Variants in CAPN15 observed in about 807,000 individuals in gnomAD.
The protein encoded by CAPN15 is calpain 15.
CAPN15 carries 53 observed loss-of-function variants against 97.9 expected under a neutral mutation model. The ratio of observed to expected loss-of-function variants is 0.54; its 90% CI spans 0.43 to 0.68. The LOEUF (loss-of-function observed/expected upper bound fraction) is 0.68. Among genes scored for constraint, CAPN15 ranks in the 30% least tolerant of loss-of-function variants. The pLI, the probability that CAPN15 is intolerant of heterozygous loss-of-function variation, is 0.00. For synonymous variants in CAPN15, 922 were observed against 722.5 expected, an observed-to-expected ratio of 1.28 and a Z score of -4.43; for missense variants, 1,592 against 1,589.8, an observed-to-expected ratio of 1.00 and a Z score of -0.02.
Position 527,820 on chromosome 16 carries a change from C to T in CAPN15, c.-399C>T, listed in dbSNP as rs2032955190. ...AAGGCAGCGTAAGGCGGGCGCCGGA[C>T]GCGGGCAGGGGCCGGGGCCGGAGCC... On this transcript the variant is annotated 5_prime_UTR_variant, in exon 1 of 14. It adds an upstream start codon to the 5' untranslated region. Coordinates refer to ENST00000219611, the MANE Select transcript of CAPN15 (RefSeq NM_005632.3). 6.8e-6 allele frequency: 1 copy of T among 147,638 alleles called. No homozygotes were observed. 9.1% of individuals were successfully genotyped at this position (147,638 alleles called of 1,614,324 possible). A position where few individuals can be genotyped will look rare whatever the true frequency, so the allele number is the denominator to read the frequency against.
chr16:528,284 G>T (rs886485453), intron 1 of CAPN15, among the ~76,000 whole-genome samples: 3 of 152,074 alleles, frequency 2.0e-5, no homozygotes, highest in African/African-American at 7.2e-5. Context: ...AGGAAGGCGG[G>T]AAGTCGGCAG....
intron 3 of CAPN15, among the ~76,000 whole-genome samples, chr16:542,201 C>G (rs965916408): frequency 6.6e-6 from 1 of 152,248 alleles, no homozygotes; most frequent in Non-Finnish European, 1.5e-5. Context: ...TTCATGGACG[C>G]TAGGACTGCT....
At chr16:534,221 G>A (rs961813658) in intron 2 of CAPN15, among the ~76,000 whole-genome samples, 34 of 152,344 alleles carry the variant, frequency 2.2e-4, no homozygotes, top group African/African-American at 7.7e-4. Context: ...AGGGCGGCCC[G>A]GGGTCCCGAC....
chr16:543,018 T>C (rs181158497), intron 3 of CAPN15, among the ~76,000 whole-genome samples: 64 of 152,142 alleles, frequency 4.2e-4, no homozygotes, highest in Admixed American at 1.6e-3. Context: ...ACCACTGCAC[T>C]CCAGTGTGGG....
rs768124765 is a variant in CAPN15 at position 552,786 on chromosome 16, C to A, written c.2904+15C>A. On this transcript the variant is annotated intron_variant, in intron 12 of 13. Coordinates refer to ENST00000219611, the MANE Select transcript of CAPN15 (RefSeq NM_005632.3). The surrounding 1 kb of genome is among the most constrained non-coding windows in gnomAD (Gnocchi z 6.4). ...AGCGGCACGAGGTGGGTGGGGGTCC[C>A]GGGGGAGGGTGGCGTGGGGCAGGGG... The A allele has an allele frequency of 2.8e-6, 4 of 1,415,668 alleles. No homozygotes were observed. The highest frequency in any genetic ancestry group is 2.9e-6 in the Non-Finnish European group (3 of 1,051,020). 87.7% of individuals were successfully genotyped at this position (1,415,668 alleles called of 1,614,324 possible).
intron 3 of CAPN15, among the ~76,000 whole-genome samples, chr16:543,854 G>C (rs2034333881): frequency 6.6e-6 from 1 of 152,216 alleles, no homozygotes; most frequent in African/African-American, 2.4e-5. Flanking sequence ...TCGCTGCCCT[G>C]GTGGCCGCTG....
chr16:551,206 C>CA, intron 7 of CAPN15, 96 bp from the exon 8 acceptor site: 2 of 1,475,804 alleles, frequency 1.4e-6, no homozygotes, highest in African/African-American at 3.1e-5. Context: ...GTGAGGGTCC[C>CA]CAGTCGGTGA....
In CAPN15 at chr16:548,985, C is replaced by T. The variant is rs1452491682; in HGVS notation, c.1450-8C>T. On this transcript the variant is annotated splice_polypyrimidine_tract_variant and splice_region_variant and intron_variant, in intron 4 of 13. Transcript: ENST00000219611. ...CCCAGCCTGAGCACATGGCCGTGGT[C>T]TCTGCAGAACAATGTGAGCTTCGTG... 3.7e-6 allele frequency: 6 copies of T among 1,612,488 alleles called. No homozygotes were observed. The highest frequency in any genetic ancestry group is 5.1e-6 in the Non-Finnish European group (6 of 1,179,782).
rs2035267743 is a variant in CAPN15, at chr16:553,632, G to A, written c.*116G>A. On this transcript the variant is annotated 3_prime_UTR_variant, in exon 14 of 14. Coordinates refer to ENST00000219611, the MANE Select transcript of CAPN15 (RefSeq NM_005632.3). The stretch of plus-strand genomic sequence containing the variant: ...CCAGAATCTCAGGACCCCGCCCAGG[G>A]AGCTGCCAGCCCAGGGCTCAGCTTC... 2.2e-5 allele frequency: 14 copies of A among 632,242 alleles called. No individual in the cohort carries two copies. The highest frequency in any genetic ancestry group is 3.5e-5 in the Non-Finnish European group (14 of 395,366). 39.2% of individuals were successfully genotyped at this position (632,242 alleles called of 1,614,324 possible).
At chr16:528,687 C>T in intron 1 of CAPN15, 1 of 984,936 alleles carries the variant, frequency 1.0e-6, no homozygotes, top group Non-Finnish European at 1.2e-6. Context: ...CTCGGGGCCC[C>T]CTTACTGCTC....
intron 2 of CAPN15, among the ~76,000 whole-genome samples, chr16:534,234 G>GCGACGGGGCGGGCGGCCC: frequency 6.8e-6 from 1 of 146,434 alleles, no homozygotes; most frequent in East Asian, 1.9e-4. Context: ...GTCCCGACAG[G>GCGACGGGGCGGGCGGCCC]GGTGTTTGTC....
chr16:540,296 G>A, intron 3 of CAPN15: 1 of 985,518 alleles, frequency 1.0e-6, no homozygotes, highest in Non-Finnish European at 1.2e-6. Flanking sequence ...TGGTGTAGGA[G>A]CGGCCCAGGG....
chr16:548,654 G>C (rs1414977673), intron 4 of CAPN15, among the ~76,000 whole-genome samples: 2 of 152,246 alleles, frequency 1.3e-5, no homozygotes. Context: ...GCCCTCTAGA[G>C]TCCAGGATGG....
At chr16:544,046 CA>C (rs2034353070) in intron 3 of CAPN15, among the ~76,000 whole-genome samples, 4 of 152,190 alleles carry the variant, frequency 2.6e-5, no homozygotes, top group Admixed American at 2.6e-4. Context: ...CTGGCGCCCT[CA>C]ATCAGTAAGT....
At chr16:542,865 C>T (rs2034220320) in intron 3 of CAPN15, among the ~76,000 whole-genome samples, 1 of 152,170 alleles carries the variant, frequency 6.6e-6, no homozygotes, top group Non-Finnish European at 1.5e-5. Context: ...ACCAGCCTGG[C>T]CAACATGGTG....
intron 1 of CAPN15, among the ~76,000 whole-genome samples, chr16:532,970 C>T (rs1221126091): frequency 1.3e-5 from 2 of 152,086 alleles, no homozygotes; most frequent in Non-Finnish European, 2.9e-5. Context: ...CCTGGAATCC[C>T]AGCACTGGGG....
In CAPN15 at chr16:547,884, G is replaced by A. The variant is rs771279430; in HGVS notation, c.1046G>A (p.Cys349Tyr). The change falls in exon 4 of 14, where the codon TGC becomes TAC. Residue 349 changes from cysteine (C) to tyrosine (Y), a missense_variant. This residue lies in a region of CAPN15 where 883 missense variants were observed against 776.6 expected (regional missense o/e 1.14). Coordinates refer to ENST00000219611, the MANE Select transcript of CAPN15 (RefSeq NM_005632.3). Reference protein sequence around the residue: ...PDFTTWSCAKCTLRNPTVAPR... With the variant: ...PDFTTWSCAKYTLRNPTVAPR... ...TTCACCACCTGGTCATGTGCCAAGT[G>A]CACGCTCAGAAACCCCACAGTGGCC... The A allele has an allele frequency of 4.3e-6, 7 of 1,611,294 alleles. No individual in the cohort carries two copies. Among genetic ancestry groups the A allele is most frequent in the South Asian group, 1.1e-5 (1 of 90,802 alleles).
At chr16:550,175 G>C (rs959498382) in intron 7 of CAPN15, among the ~76,000 whole-genome samples, 1 of 152,222 alleles carries the variant, frequency 6.6e-6, no homozygotes, top group African/African-American at 2.4e-5. Context: ...AGGCGTGAGC[G>C]GCGTGTCGAG....
intron 3 of CAPN15, among the ~76,000 whole-genome samples, chr16:543,771 C>T (rs891183929): frequency 1.3e-5 from 2 of 152,192 alleles, no homozygotes; most frequent in African/African-American, 2.4e-5. Context: ...TGCCGTGCTC[C>T]GACGGAGGGC....
Sources: gnomAD v4.1 joint callset for allele counts (sites outside exome capture counted in the v4.1 genomes callset) on GRCh38, gnomAD v4.1.1 for gene constraint, gnomAD v4.1.1 regional missense constraint, Gnocchi (gnomAD v3.1) non-coding constraint, MANE v1.5 for transcripts, NCBI Gene and HGNC (gene_info 2026-07-23, HGNC 2026-07-21) for gene names.